Variants in YTHDC2 observed in about 807,000 individuals in gnomAD.
YTHDC2 encodes the protein YTH N6-methyladenosine RNA binding protein C2.
A neutral mutation model predicts 174.9 loss-of-function variants in YTHDC2; 45 were observed. That is an observed-to-expected ratio of 0.26 (90% CI 0.20 to 0.33). YTHDC2 has a LOEUF of 0.33. Ranked by LOEUF, YTHDC2 falls within the 10% of genes least tolerant of loss-of-function variation. The pLI is 1.00. For missense variants in YTHDC2, 1,650 were observed against 1,723.7 expected (o/e 0.96, Z 0.76); for synonymous variants, 657 against 574.5 (o/e 1.14, Z -2.05).
rs759869574 is a variant in YTHDC2, at chr5:113,579,712, T to C, written c.3354+17T>C. ...GAGCCAGAGGTAAGTTGCTTTCAAG[T>C]AGTGTAATAAATTTCTTTCATTCAG... On this transcript the variant is annotated intron_variant, in intron 24 of 29. Coordinates refer to ENST00000161863, the MANE Select transcript of YTHDC2 (RefSeq NM_022828.5). 1 of 1,588,478 alleles carries C rather than the reference T, an allele frequency of 6.3e-7. No homozygotes were observed. Among genetic ancestry groups the C allele is most frequent in the Non-Finnish European group, 8.6e-7 (1 of 1,169,192 alleles).
At chr5:113,577,847 G>T (rs940339127) in intron 23 of YTHDC2, among the ~76,000 whole-genome samples, 4 of 152,074 alleles carry the variant, frequency 2.6e-5, no homozygotes, top group Non-Finnish European at 5.9e-5. Flanking sequence ...TTGTCATGGT[G>T]AATGGATTCT....
rs547974172 is a variant in YTHDC2, at chr5:113,519,719, G to A, written c.278+4357G>A. ...AGGCAGGAGCAAACATTTACTAAGT[G>A]TTGTTGTATACTTGTGCTAGGTGCT... On this transcript the variant is annotated intron_variant, in intron 2 of 29. Transcript: ENST00000161863. 2.0e-5 allele frequency among the ~76,000 whole-genome samples: 3 copies of A among 152,160 alleles called. No homozygotes were observed. In the South Asian group the frequency reaches 6.2e-4, roughly 32 times the overall value.
At chr5:113,580,849 TAGTC>T (rs1458356157) in intron 24 of YTHDC2, among the ~76,000 whole-genome samples, 12 of 152,356 alleles carry the variant, frequency 7.9e-5, no homozygotes, top group Admixed American at 7.8e-4. Context: ...TCTTTCTCTG[TAGTC>T]AGTCCTTCTT....
Position 113,567,404 on chromosome 5 carries a change from T to TTATATATA in YTHDC2, c.3048+123_3048+130dup, listed in dbSNP as rs368320106. 3.6e-4 allele frequency: 103 copies of TTATATATA among 287,552 alleles called. 1 individual carries two copies. The highest frequency in any genetic ancestry group is 2.2e-3 in the African/African-American group (59 of 26,552). The allele number at this position is 287,552 out of a possible 1,614,324, so 17.8% of individuals were successfully genotyped here. A position where few individuals can be genotyped will look rare whatever the true frequency, so the allele number is the denominator to read the frequency against. ...CTGCCTGCTTTAAGAAATTAATTAGTTATATATATATATATATATATATCA... is the reference window on the plus strand; with the variant it reads ...CTGCCTGCTTTAAGAAATTAATTAGTTATATATATATATATATATATATATATATATCA... On this transcript the variant is annotated intron_variant, in intron 22 of 29. Coordinates refer to ENST00000161863, the MANE Select transcript of YTHDC2 (RefSeq NM_022828.5).
chr5:113,530,855 T>C (rs1458516242), intron 4 of YTHDC2, among the ~76,000 whole-genome samples: 1 of 152,220 alleles, frequency 6.6e-6, no homozygotes, highest in East Asian at 1.9e-4. Flanking sequence ...AAAACATTTC[T>C]TGCAAGGCTG....
chr5:113,591,375 G>A (rs932193909), intron 27 of YTHDC2, 131 bp downstream of exon 27: 2 of 874,508 alleles, frequency 2.3e-6, no homozygotes, highest in African/African-American at 1.7e-5. Context: ...GAGAATAAGG[G>A]ATATATTGCA....
At chr5:113,546,474 A>C (rs181006900) in intron 10 of YTHDC2, among the ~76,000 whole-genome samples, 4 of 152,300 alleles carry the variant, frequency 2.6e-5, no homozygotes, top group Admixed American at 2.6e-4. Flanking sequence ...TCAACCCTCA[A>C]TTTGCACCAG....
chr5:113,514,223 G>C lies in YTHDC2; in HGVS notation c.187+141G>C, dbSNP rs1250392329. On this transcript the variant is annotated intron_variant, in intron 1 of 29. Transcript: ENST00000161863. The stretch of plus-strand genomic sequence containing the variant: ...GGGCCACCGTCCGGGGCGGGCCTCA[G>C]CGGCGGCACCCGGGTCTGGAACGCG... 5.5e-6 allele frequency: 6 copies of C among 1,091,788 alleles called. No homozygotes were observed. The East Asian group carries it at 1.5e-4, about 28-fold the overall frequency. The allele number at this position is 1,091,788 out of a possible 1,614,324, so 67.6% of individuals were successfully genotyped here.
rs370488664 is a variant in YTHDC2 at position 113,514,016 on chromosome 5, A to G, written c.121A>G (p.Ile41Val). Residue 41 changes from isoleucine to valine, a missense_variant, in exon 1 of 30, where the codon ATT becomes GTT. Around this residue, in one of 5 missense-constraint regions of YTHDC2, gnomAD observed 304 missense variants for 341.4 expected, o/e 0.89. Coordinates refer to ENST00000161863, the MANE Select transcript of YTHDC2 (RefSeq NM_022828.5). ...GGCCAAGGGGCTGAAGGACATTCGC[A>G]TTGATGAGGAGGTGAAGATCGCAGT... ...GRAKGLKDIR[I>V]DEEVKIAVNI... 1.9e-6 allele frequency: 3 copies of G among 1,610,498 alleles called. No individual in the cohort carries two copies. In the African/African-American group the frequency reaches 4.0e-5, roughly 22 times the overall value.
chr5:113,542,445 T>A lies in YTHDC2; in HGVS notation c.1437T>A (p.His479Gln), dbSNP rs201875632. The part of the protein sequence containing the change: ...MDACLSDIWL[H>Q]KDIDAFAQVF... The stretch of plus-strand genomic sequence containing the variant: ...CTTGCCTTTCTGATATATGGCTACA[T>A]AAAGATATTGATGCCTTTGCTCAGG... The change falls in exon 10 of 30, where the codon CAT (histidine) becomes CAA (glutamine). Residue 479 changes from histidine to glutamine, a missense_variant. By Grantham distance (24) the His-to-Gln change is conservative. Coordinates refer to ENST00000161863, the MANE Select transcript of YTHDC2 (RefSeq NM_022828.5). The A allele has an allele frequency of 6.2e-7, 1 of 1,613,068 alleles. No individual in the cohort carries two copies. The highest frequency in any genetic ancestry group is 8.5e-7 in the Non-Finnish European group (1 of 1,179,572).
At chr5:113,542,327 G>C (rs757206164) in intron 9 of YTHDC2, 41 bp from the exon 10 acceptor site, 19 of 1,596,558 alleles carry the variant, frequency 1.2e-5, no homozygotes, top group Non-Finnish European at 1.5e-5. Flanking sequence ...GCAAATGTTA[G>C]GTAATTTATG....
chr5:113,539,305 A>T, intron 8 of YTHDC2, 124 bp downstream of exon 8: 1 of 402,182 alleles, frequency 2.5e-6, no homozygotes, highest in Non-Finnish European at 4.5e-6. Context: ...ATATAATTGT[A>T]TAACCTTATA....
At chr5:113,529,988 A>G (rs535459897) in intron 4 of YTHDC2, among the ~76,000 whole-genome samples, 113 of 152,036 alleles carry the variant, frequency 7.4e-4, no homozygotes, top group Non-Finnish European at 1.4e-3. Context: ...TGCAGTGGCT[A>G]TTCACAGAGT....
Position 113,591,910 on chromosome 5 carries a change from T to G in YTHDC2, c.4030-86T>G, listed in dbSNP as rs1003548786. ...ATATTATATCTTAATCTTAAAATTT[T>G]AAAAACTCAGCCTTCTCAGATAAAT... On this transcript the variant is annotated intron_variant, in intron 27 of 29. Coordinates refer to ENST00000161863, the MANE Select transcript of YTHDC2 (RefSeq NM_022828.5). 32 of 1,077,940 alleles carry G rather than the reference T, an allele frequency of 3.0e-5. No homozygotes were observed. The Admixed American group carries it at 9.7e-4, about 33-fold the overall frequency. 66.8% of individuals were successfully genotyped at this position (1,077,940 alleles called of 1,614,324 possible). A position where few individuals can be genotyped will look rare whatever the true frequency, so the allele number is the denominator to read the frequency against.
intron 26 of YTHDC2, among the ~76,000 whole-genome samples, chr5:113,589,278 T>C (rs1166606627): frequency 2.0e-5 from 3 of 151,606 alleles, no homozygotes; most frequent in African/African-American, 7.3e-5. Flanking sequence ...ATAGTTCTAC[T>C]GTTTTGTCTG....
chr5:113,533,606 A>T (rs1246742349), intron 5 of YTHDC2, among the ~76,000 whole-genome samples: 1 of 152,044 alleles, frequency 6.6e-6, no homozygotes, highest in Non-Finnish European at 1.5e-5. Context: ...TACCTCTTTG[A>T]GCCTCAGTGT....
chr5:113,592,694 C>A (rs1779071896), intron 28 of YTHDC2: 1 of 152,372 alleles, frequency 6.6e-6, no homozygotes, highest in Admixed American at 6.6e-5. Flanking sequence ...TGACTCGTTT[C>A]AAATCACCAT....
At chr5:113,563,307 T>G in intron 18 of YTHDC2, 66 bp from the exon 19 acceptor site, 5 of 1,390,202 alleles carry the variant, frequency 3.6e-6, no homozygotes, top group Non-Finnish European at 4.8e-6. Context: ...TTCCCATGAT[T>G]TCTTTAAATG....
Position 113,542,462 on chromosome 5 carries a change from T to C in YTHDC2, c.1454T>C (p.Phe485Ser), listed in dbSNP as rs771195075. Residue 485 changes from phenylalanine to serine, a missense_variant, in exon 10 of 30, where the codon TTT (phenylalanine) becomes TCT (serine). By Grantham distance (155) the Phe-to-Ser change is radical (BLOSUM62 -2). Coordinates refer to ENST00000161863, the MANE Select transcript of YTHDC2 (RefSeq NM_022828.5). ...DIWLHKDIDA[F>S]AQVFHLILTE... Reference sequence around the variant, plus strand: ...TGGCTACATAAAGATATTGATGCCTTTGCTCAGGTCTTTCATCTCATTTTA... The same window carrying C: ...TGGCTACATAAAGATATTGATGCCTCTGCTCAGGTCTTTCATCTCATTTTA... The C allele has an allele frequency of 4.3e-6, 7 of 1,611,596 alleles. No homozygotes were observed. Among genetic ancestry groups the C allele is most frequent in the Non-Finnish European group, 1.7e-6 (2 of 1,179,306 alleles).
Sources: gnomAD v4.1 joint callset for allele counts (sites outside exome capture counted in the v4.1 genomes callset) on GRCh38, gnomAD v4.1.1 for gene constraint, gnomAD v4.1.1 regional missense constraint, MANE v1.5 for transcripts, NCBI Gene and HGNC (gene_info 2026-07-23, HGNC 2026-07-21) for gene names.